The following ANKRD62 variants were observed in gnomAD, a reference collection of about 807,000 sequenced individuals.
The protein encoded by ANKRD62 is ankyrin repeat domain 62, also known as ankyrin repeat domain-containing protein 62.
A neutral mutation model predicts 98.8 loss-of-function variants in ANKRD62; 61 were observed. That is an observed-to-expected ratio of 0.62 (90% confidence interval 0.50 to 0.76). ANKRD62 has a LOEUF of 0.76. Among genes scored for constraint, ANKRD62 ranks in the 30% least tolerant of loss-of-function variants. The pLI, the probability that ANKRD62 is intolerant of heterozygous loss-of-function variation, is 0.00. For synonymous variants in ANKRD62, 341 were observed against 367.9 expected (o/e 0.93, Z 0.84); for missense variants, 933 against 1,082.9 (o/e 0.86, Z 1.94).
the ANKRD62 span, among the ~76,000 whole-genome samples, chr18:12,146,416 T>C: frequency 2.0e-5 from 3 of 152,142 alleles, no homozygotes; most frequent in African/African-American, 7.2e-5. Context: ...GCACACTTGC[T>C]TTATGAAAAT....
chr18:12,135,885 G>T, the ANKRD62 span, among the ~76,000 whole-genome samples: 92,977 of 151,654 alleles, frequency 0.61, 28,917 homozygotes, highest in Middle Eastern at 0.75. Flanking sequence ...CTTTTTGATG[G>T]GGTTGTTTGT....
intron 13 of ANKRD62, 21 bp from the exon 14 acceptor site, chr18:12,127,727 A>G (rs1172049119): frequency 7.4e-7 from 1 of 1,359,418 alleles, no homozygotes; most frequent in Admixed American, 3.5e-5. Context: ...AAAATCAGTA[A>G]CAAAAATAAC....
chr18:12,145,985 T>A, the ANKRD62 span, among the ~76,000 whole-genome samples: 2 of 150,974 alleles, frequency 1.3e-5, no homozygotes, highest in Non-Finnish European at 1.5e-5. Flanking sequence ...CCGACAGACA[T>A]CTTAAACCTT....
Position 12,097,666 on chromosome 18 carries a change from A to C in ANKRD62, c.641A>C (p.Asn214Thr). Residue 214 changes from asparagine to threonine, a missense_variant, in exon 5 of 14, where the codon AAT becomes ACT. By Grantham distance (65) the Asn-to-Thr change is moderately conservative (BLOSUM62 0). Transcript: ENST00000587848. The part of the protein sequence containing the change: ...GRTALILAAR[N>T]GSTSVVYQLL... ...ACAGCCCTGATACTTGCTGCTCGTAATGGATCAACAAGTGTAGTCTACCAG... is the reference window on the plus strand; with the variant it reads ...ACAGCCCTGATACTTGCTGCTCGTACTGGATCAACAAGTGTAGTCTACCAG... The C allele has an allele frequency of 6.5e-7, 1 of 1,535,832 alleles. No individual in the cohort carries two copies. Among genetic ancestry groups the C allele is most frequent in the Non-Finnish European group, 8.7e-7 (1 of 1,146,666 alleles).
chr18:12,169,143 T>C, the ANKRD62 span, among the ~76,000 whole-genome samples: 5 of 152,208 alleles, frequency 3.3e-5, no homozygotes, highest in Admixed American at 6.5e-5. Context: ...CTTGCCTGAT[T>C]GCCCTGGCCA....
chr18:12,178,075 G>A, the ANKRD62 span, among the ~76,000 whole-genome samples: 1 of 84,952 alleles, frequency 1.2e-5, no homozygotes, highest in Non-Finnish European at 2.7e-5. Context: ...AGCATAAGAA[G>A]AGCATAAGAA....
intron 8 of ANKRD62, among the ~76,000 whole-genome samples, chr18:12,109,719 AAAGGACCTTTGATCTACC>A (rs1434580056): frequency 6.6e-6 from 1 of 152,162 alleles, no homozygotes; most frequent in Non-Finnish European, 1.5e-5. Flanking sequence ...GAAGTATATC[AAAGGACCTTTGATCTACC>A]AAGCCAGGAG....
chr18:12,118,090 A>G (rs922061943), intron 10 of ANKRD62, among the ~76,000 whole-genome samples: 12 of 152,134 alleles, frequency 7.9e-5, no homozygotes, highest in African/African-American at 2.4e-4. Flanking sequence ...TGCAGCCCAT[A>G]GTGTGCATTG....
the ANKRD62 span, among the ~76,000 whole-genome samples, chr18:12,173,817 T>G: frequency 6.6e-6 from 1 of 152,266 alleles, no homozygotes; most frequent in African/African-American, 2.4e-5. Context: ...ATATTGGCCT[T>G]CACATCTCTT....
rs1206103647 is a variant in ANKRD62, at chr18:12,124,291, T to C, written c.1609T>C (p.Leu537=). 3.1e-6 allele frequency: 4 copies of C among 1,300,556 alleles called. No individual in the cohort carries two copies. Among genetic ancestry groups the C allele is most frequent in the Non-Finnish European group, 4.1e-6 (4 of 963,858 alleles). 80.6% of individuals were successfully genotyped at this position (1,300,556 alleles called of 1,614,324 possible). Residue 537 remains leucine (L), a synonymous_variant, in exon 12 of 14, where the codon TTG becomes CTG. Transcript: ENST00000587848. ...GACTCTCAAATCATTGGAAGTGGAA[T>C]TGAAGACTGTAAGAAGTAACTCAAA... is the stretch of plus-strand genomic sequence containing the variant. The part of the protein sequence containing the change: ...KLTLKSLEVE[L]KTVRSNSNQN...
At chr18:12,106,838 C>T (rs1003223041) in intron 7 of ANKRD62, among the ~76,000 whole-genome samples, 15 of 152,078 alleles carry the variant, frequency 9.9e-5, no homozygotes, top group African/African-American at 3.1e-4. Context: ...GAAAGCTTAC[C>T]GTAGAAAGGG....
the ANKRD62 span, among the ~76,000 whole-genome samples, chr18:12,141,122 C>T: frequency 5.9e-5 from 9 of 152,300 alleles, no homozygotes; most frequent in East Asian, 5.8e-4. Context: ...TAGCAATGAG[C>T]GAGGCTCTGT....
chr18:12,174,822 G>A, the ANKRD62 span, among the ~76,000 whole-genome samples: 1 of 152,182 alleles, frequency 6.6e-6, no homozygotes, highest in Non-Finnish European at 1.5e-5. Flanking sequence ...TTTGTATTGG[G>A]CCCAGACTTT....
At chr18:12,161,354 T>G in the ANKRD62 span, among the ~76,000 whole-genome samples, 13 of 152,314 alleles carry the variant, frequency 8.5e-5, no homozygotes, top group Admixed American at 2.6e-4. Context: ...CCTATCTCAT[T>G]CTCTCATATA....
chr18:12,137,099 T>C, the ANKRD62 span, among the ~76,000 whole-genome samples: 1 of 152,190 alleles, frequency 6.6e-6, no homozygotes, highest in Admixed American at 6.5e-5. Flanking sequence ...ATAGGAGTGG[T>C]AAGAGAGGGC....
intron 5 of ANKRD62, among the ~76,000 whole-genome samples, chr18:12,099,401 A>G (rs1278737653): frequency 2.0e-5 from 3 of 150,616 alleles, no homozygotes; most frequent in Admixed American, 1.3e-4. Flanking sequence ...TCAACTTCAC[A>G]TGAGTTAATT....
chr18:12,160,304 G>A, the ANKRD62 span, among the ~76,000 whole-genome samples: 5 of 152,196 alleles, frequency 3.3e-5, no homozygotes, highest in Non-Finnish European at 2.9e-5. Flanking sequence ...GTGTGTGCAT[G>A]TACATGTGTA....
At chr18:12,168,341 C>T in the ANKRD62 span, among the ~76,000 whole-genome samples, 40 of 152,132 alleles carry the variant, frequency 2.6e-4, no homozygotes, top group African/African-American at 9.4e-4. Context: ...CCAGTTTCAG[C>T]TTTCTACATA....
chr18:12,131,507 CTG>C (rs1284891437), downstream of ANKRD62, among the ~76,000 whole-genome samples: 1 of 152,034 alleles, frequency 6.6e-6, no homozygotes, highest in African/African-American at 2.4e-5. Context: ...CCTAAGAAGT[CTG>C]TGTGTATCCC....
Sources: allele counts gnomAD v4.1 joint callset (sites outside exome capture counted in the v4.1 genomes callset), GRCh38; gene constraint gnomAD v4.1.1; transcripts MANE v1.5; gene names NCBI Gene and HGNC (gene_info 2026-07-23, HGNC 2026-07-21).